PMPCB: variants seen among roughly 807,000 people sequenced by gnomAD.
PMPCB encodes peptidase, mitochondrial processing subunit beta, also known as mitochondrial-processing peptidase subunit beta.
A neutral mutation model predicts 61.5 loss-of-function variants in PMPCB; 46 were observed. The observed-to-expected ratio is 0.75, with a 90% CI of 0.59 to 0.96. The LOEUF is 0.96. Ranked by LOEUF, PMPCB falls within the 40% of genes least tolerant of loss-of-function variation. The pLI, the probability that PMPCB is intolerant of heterozygous loss-of-function variation, is 0.00. For synonymous variants in PMPCB, 191 were observed against 201.6 expected (o/e 0.95, Z 0.44); for missense variants, 590 against 602.4 (o/e 0.98, Z 0.22).
chr7:103,313,143 T>C lies in PMPCB; in HGVS notation c.*872T>C, dbSNP rs781087156. On this transcript the variant is annotated 3_prime_UTR_variant, in exon 13 of 13. Transcript: ENST00000249269. ...TTTATTTGAAAACTGTCTTTGAACATGTTCTCAGACAAGTCTTGTGGTCCA... is the reference window on the plus strand; with the variant it reads ...TTTATTTGAAAACTGTCTTTGAACACGTTCTCAGACAAGTCTTGTGGTCCA... 5 of 1,576,114 alleles carry C rather than the reference T, an allele frequency of 3.2e-6. No homozygotes were observed. The African/African-American group carries it at 5.6e-5, about 18-fold the overall frequency.
At chr7:103,327,030 T>G (rs568234404) in intron 12 of PMPCB, among the ~76,000 whole-genome samples, 2 of 152,206 alleles carry the variant, frequency 1.3e-5, no homozygotes. Context: ...TCTGGAGCAC[T>G]GTGTAAGAGA....
chr7:103,319,198 A>G (rs1170276131), downstream of PMPCB, among the ~76,000 whole-genome samples: 1 of 152,146 alleles, frequency 6.6e-6, no homozygotes, highest in African/African-American at 2.4e-5. Context: ...CAGCACTTTG[A>G]GAAGCCTACA....
At position 103,304,527 on chromosome 7, in the gene PMPCB, C is replaced by G. The variant is rs143061796; in HGVS notation, c.736+37C>G. The G allele has an allele frequency of 1.5e-3, 2,052 of 1,363,766 alleles. 38 individuals carry two copies. The East Asian group carries it at 0.038, about 25-fold the overall frequency. The allele number at this position is 1,363,766 out of a possible 1,614,324, so 84.5% of individuals were successfully genotyped here. A position where few individuals can be genotyped will look rare whatever the true frequency, so the allele number is the denominator to read the frequency against. On this transcript the variant is annotated intron_variant, in intron 6 of 12. Transcript: ENST00000249269. ...TAAATTTCTACAAATGTTTTAAACACAGTTGTTGGAGTGGTATGCTTATTA... is the reference window on the plus strand; with the variant it reads ...TAAATTTCTACAAATGTTTTAAACAGAGTTGTTGGAGTGGTATGCTTATTA...
At chr7:103,346,855 A>C in the PMPCB span, among the ~76,000 whole-genome samples, 14 of 133,482 alleles carry the variant, frequency 1.0e-4, no homozygotes, top group African/African-American at 3.7e-4. Flanking sequence ...TGTGTGTGTG[A>C]GCGCGCATGC....
At chr7:103,344,835 T>C in the PMPCB span, 2 of 605,028 alleles carry the variant, frequency 3.3e-6, no homozygotes, top group South Asian at 3.9e-5. Flanking sequence ...CCCGCCAACG[T>C]GTGCGGTAAC....
rs1817824620 is a variant in PMPCB, at chr7:103,312,800, C to T, written c.*529C>T. The T allele has an allele frequency of 1.3e-6, 2 of 1,510,778 alleles. No homozygotes were observed. Among genetic ancestry groups the T allele is most frequent in the Non-Finnish European group, 1.8e-6 (2 of 1,137,522 alleles). 93.6% of individuals were successfully genotyped at this position (1,510,778 alleles called of 1,614,324 possible). The stretch of plus-strand genomic sequence containing the variant: ...GGCCTAGAAAGTTTCTAAGGTTGCT[C>T]ATTTCTTCCTCATAATATTGACCCC... On this transcript the variant is annotated 3_prime_UTR_variant, in exon 13 of 13. Transcript: ENST00000249269.
the PMPCB span, among the ~76,000 whole-genome samples, chr7:103,345,591 A>G: frequency 6.7e-6 from 1 of 150,356 alleles, no homozygotes; most frequent in South Asian, 2.1e-4. Flanking sequence ...TTTCACAATT[A>G]AAGTTTTTAA....
At chr7:103,323,086 T>A (rs572248923) in intron 12 of PMPCB, among the ~76,000 whole-genome samples, 73 of 152,196 alleles carry the variant, frequency 4.8e-4, no homozygotes, top group African/African-American at 1.7e-3. Context: ...CCTGTCACCA[T>A]GCCTGGCTAC....
At chr7:103,334,961 G>A in the PMPCB span, among the ~76,000 whole-genome samples, 8 of 152,108 alleles carry the variant, frequency 5.3e-5, no homozygotes, top group Admixed American at 5.2e-4. Context: ...AGCCGCCCAA[G>A]TAGCTGGGAT....
the PMPCB span, among the ~76,000 whole-genome samples, chr7:103,335,089 C>T: frequency 6.6e-6 from 1 of 152,184 alleles, no homozygotes; most frequent in Non-Finnish European, 1.5e-5. Context: ...CTGCCCCAGC[C>T]TCCCAAAGTG....
intron 12 of PMPCB, chr7:103,321,971 G>T: frequency 6.2e-7 from 1 of 1,613,514 alleles, no homozygotes; most frequent in Non-Finnish European, 8.5e-7. Flanking sequence ...CCTTCTTAAT[G>T]GCTTTTTTCT....
the PMPCB span, chr7:103,336,028 G>T: frequency 6.6e-6 from 1 of 152,232 alleles, no homozygotes. Flanking sequence ...TTAGCCGGGC[G>T]TGGTGGCACA....
At position 103,311,386 on chromosome 7, in the gene PMPCB, T is replaced by C. The variant is rs113882448; in HGVS notation, c.1155-257T>C. The stretch of plus-strand genomic sequence containing the variant: ...GATGAGGACTCATGAAGTCTCAAGA[T>C]GCTTATAGCATTTCTGAAAATGTGA... On this transcript the variant is annotated intron_variant, in intron 9 of 12. Coordinates refer to ENST00000249269, the MANE Select transcript of PMPCB (RefSeq NM_004279.3). The C allele has an allele frequency of 2.5e-4, 123 of 498,602 alleles. 1 individual carries two copies. Among genetic ancestry groups the C allele is most frequent in the African/African-American group, 2.2e-3 (110 of 51,080 alleles). The allele number at this position is 498,602 out of a possible 1,614,324, so 30.9% of individuals were successfully genotyped here.
intron 12 of PMPCB, among the ~76,000 whole-genome samples, chr7:103,321,617 G>A (rs1362871695): frequency 6.6e-6 from 1 of 151,782 alleles, no homozygotes; most frequent in Non-Finnish European, 1.5e-5. Context: ...GGAGGCCAAG[G>A]CGGGGAGATC....
downstream of PMPCB, chr7:103,314,746 G>A (rs549301200): frequency 3.0e-6 from 2 of 672,808 alleles, no homozygotes; most frequent in African/African-American, 3.9e-5. Context: ...AACACTGTAA[G>A]TCTCATATCT....
intron 12 of PMPCB, chr7:103,322,613 A>G: frequency 1.2e-6 from 2 of 1,612,752 alleles, no homozygotes; most frequent in Non-Finnish European, 1.7e-6. Context: ...TTATCCTTGG[A>G]TCACAGCTGT....
intron 12 of PMPCB, chr7:103,319,945 GA>G (rs1462216749): frequency 7.9e-7 from 1 of 1,272,232 alleles, no homozygotes; most frequent in African/African-American, 1.5e-5. Context: ...TGAGGCAGGA[GA>G]ATCGCTTGAA....
In PMPCB at chr7:103,307,043, G is replaced by A. The variant is rs1817611676; in HGVS notation, c.737-553G>A. On this transcript the variant is annotated intron_variant, in intron 6 of 12. Transcript: ENST00000249269. ...CAAAGTGCCGGGATTACAGGTGTGA[G>A]CCATGGCACCCGGCTTTTAAAATTT... 2.6e-5 allele frequency among the ~76,000 whole-genome samples: 4 copies of A among 152,072 alleles called. No homozygotes were observed. In the South Asian group the frequency reaches 8.3e-4, roughly 32 times the overall value.
intron 6 of PMPCB, among the ~76,000 whole-genome samples, chr7:103,306,382 CTTTT>C (rs538586125): frequency 1.5e-5 from 2 of 131,710 alleles, no homozygotes; most frequent in Non-Finnish European, 1.7e-5. Context: ...TTCCTGAGTT[CTTTT>C]TTTTTTTTTT....
Sources: gnomAD v4.1 joint callset for allele counts (sites outside exome capture counted in the v4.1 genomes callset) on GRCh38, gnomAD v4.1.1 for gene constraint, MANE v1.5 for transcripts, NCBI Gene and HGNC (gene_info 2026-07-23, HGNC 2026-07-21) for gene names.